PTPRA: variants seen among roughly 807,000 people sequenced by gnomAD.
The protein encoded by PTPRA is protein tyrosine phosphatase receptor type A.
Under a neutral mutation model 104.8 loss-of-function variants are expected in PTPRA, and 25 were observed. The observed-to-expected ratio is 0.24, with a 90% CI of 0.17 to 0.33. PTPRA has a LOEUF of 0.33. Ranked by LOEUF, PTPRA falls within the 10% of genes least tolerant of loss-of-function variation. The probability of loss-of-function intolerance (pLI) is 1.00; values close to 1 mark genes in which losing one functional copy is unlikely to be tolerated. For missense variants in PTPRA, 765 were observed against 1,015.3 expected, an observed-to-expected ratio of 0.75 and a Z score of 3.35; for synonymous variants, 323 against 368.9, an observed-to-expected ratio of 0.88 and a Z score of 1.43.
chr20:2,927,674 T>G (rs2060351844), intron 2 of PTPRA, among the ~76,000 whole-genome samples: 1 of 152,220 alleles, frequency 6.6e-6, no homozygotes, highest in Non-Finnish European at 1.5e-5. Flanking sequence ...TTGGGTCCAC[T>G]GATCTTGGAT....
At chr20:3,031,334 G>A (rs574887975) in intron 20 of PTPRA, among the ~76,000 whole-genome samples, 20 of 151,686 alleles carry the variant, frequency 1.3e-4, no homozygotes, top group Admixed American at 7.3e-4. Flanking sequence ...TCTAGAGGCC[G>A]TAACGTGAAC....
intron 5 of PTPRA, among the ~76,000 whole-genome samples, chr20:2,971,198 G>C (rs150419129): frequency 1.0e-3 from 157 of 152,018 alleles, no homozygotes; most frequent in Middle Eastern, 3.4e-3. Flanking sequence ...TTGTCTAGCA[G>C]GAAAAAAAGT....
At chr20:2,934,416 C>G (rs2060616576) in intron 2 of PTPRA, among the ~76,000 whole-genome samples, 1 of 152,012 alleles carries the variant, frequency 6.6e-6, no homozygotes, top group Non-Finnish European at 1.5e-5. Flanking sequence ...ATCATATTCC[C>G]AATACTTATG....
In PTPRA at chr20:3,037,318, A is replaced by G. The variant is rs540828183; in HGVS notation, c.2334+29A>G. The G allele has an allele frequency of 1.9e-6, 3 of 1,611,390 alleles. No homozygotes were observed. Among genetic ancestry groups the G allele is most frequent in the East Asian group, 4.5e-5 (2 of 44,864 alleles). ...TGCTGCCCACATATTTGTCCCTGCC[A>G]CCACACCACCTGCAGCCCTTCTCTC... On this transcript the variant is annotated intron_variant, in intron 23 of 23. Transcript: ENST00000399903. This position sits in a 1 kb window ranked among gnomAD's most constrained non-coding sequence, Gnocchi z 4.3.
intron 3 of PTPRA, 64 bp from the exon 4 acceptor site, chr20:2,964,208 T>C (rs569178224): frequency 7.5e-7 from 1 of 1,330,202 alleles, no homozygotes; most frequent in East Asian, 2.3e-5. Flanking sequence ...ACTCTTCTGG[T>C]GACCAGCTCA....
At chr20:3,021,952 C>A in intron 14 of PTPRA, 102 bp from the exon 15 acceptor site, 1 of 1,439,428 alleles carries the variant, frequency 6.9e-7, no homozygotes, top group South Asian at 1.3e-5. Context: ...GGTACACTTA[C>A]TTTTCCATTG....
At chr20:2,920,783 G>A (rs1210532174) in intron 1 of PTPRA, among the ~76,000 whole-genome samples, 1 of 151,754 alleles carries the variant, frequency 6.6e-6, no homozygotes, top group Admixed American at 6.6e-5. Flanking sequence ...GAGGAAAGGG[G>A]GGAAAGTGAT....
rs796332279 is a variant in PTPRA, at chr20:2,965,847, A to T, written c.415+645A>T. Among the ~76,000 whole-genome samples the T allele has an allele frequency of 1.4e-4, 22 of 152,344 alleles. 1 individual carries two copies. The highest frequency in any genetic ancestry group is 5.3e-4 in the African/African-American group (22 of 41,574). ...AGAAAATCAGAGACGTGGATCTGAG[A>T]CCAGGGCAGGTAAGACAAGTTTCTG... is the stretch of plus-strand genomic sequence containing the variant. On this transcript the variant is annotated intron_variant, in intron 5 of 23. Transcript: ENST00000399903.
At chr20:2,882,626 T>A (rs1168435057) in intron 1 of PTPRA, among the ~76,000 whole-genome samples, 1 of 152,076 alleles carries the variant, frequency 6.6e-6, no homozygotes, top group Non-Finnish European at 1.5e-5. Context: ...AATAGTTACA[T>A]CCAAGAATAA....
chr20:2,889,431 C>T (rs1312750436), intron 1 of PTPRA, among the ~76,000 whole-genome samples: 1 of 152,146 alleles, frequency 6.6e-6, no homozygotes, highest in Non-Finnish European at 1.5e-5. Context: ...ACTTCTTAAG[C>T]TCTTGGGCAA....
Position 2,988,240 on chromosome 20 carries a change from T to C in PTPRA, c.602-98T>C. 2.0e-6 allele frequency: 3 copies of C among 1,538,006 alleles called. No individual in the cohort carries two copies. The African/African-American group carries it at 4.2e-5, about 21-fold the overall frequency. On this transcript the variant is annotated intron_variant, in intron 8 of 23. Transcript: ENST00000399903. ...TTTTTGAAGAAAACAGTCCTAGTTC[T>C]TACAGGCTTGGTCCATGAGGTAGAA...
At chr20:2,955,375 A>C (rs1191333660) in intron 3 of PTPRA, among the ~76,000 whole-genome samples, 1 of 152,238 alleles carries the variant, frequency 6.6e-6, no homozygotes, top group Non-Finnish European at 1.5e-5. Flanking sequence ...CAAGGTCCCC[A>C]ACTGAATCTT....
chr20:3,003,127 T>C (rs2063711628), intron 9 of PTPRA, among the ~76,000 whole-genome samples: 1 of 152,250 alleles, frequency 6.6e-6, no homozygotes, highest in Non-Finnish European at 1.5e-5. Context: ...TCATGGTATA[T>C]AATTATATAT....
At chr20:2,913,840 G>A (rs2059805796) in intron 1 of PTPRA, among the ~76,000 whole-genome samples, 1 of 152,124 alleles carries the variant, frequency 6.6e-6, no homozygotes, top group Non-Finnish European at 1.5e-5. Flanking sequence ...TTGAGACAAT[G>A]TAAGTATCCC....
At chr20:2,916,574 C>T (rs756643828) in intron 1 of PTPRA, among the ~76,000 whole-genome samples, 50 of 152,120 alleles carry the variant, frequency 3.3e-4, no homozygotes, top group Non-Finnish European at 1.2e-4. Flanking sequence ...TCATCACCAG[C>T]CAGCCATGGT....
intron 1 of PTPRA, among the ~76,000 whole-genome samples, chr20:2,901,268 C>CT (rs3838046): frequency 0.042 from 6,448 of 151,902 alleles, 305 homozygotes; most frequent in Admixed American, 0.11. Context: ...CGCACCCAGC[C>CT]TTTTTTTTTC....
chr20:2,935,247 G>A (rs2060648705), intron 2 of PTPRA, among the ~76,000 whole-genome samples: 1 of 152,010 alleles, frequency 6.6e-6, no homozygotes, highest in South Asian at 2.1e-4. Context: ...TGTGATATTT[G>A]TCTTTCTATG....
chr20:2,896,619 G>A (rs2059011574), intron 1 of PTPRA, among the ~76,000 whole-genome samples: 2 of 152,168 alleles, frequency 1.3e-5, no homozygotes, highest in African/African-American at 4.8e-5. Flanking sequence ...CCATAAATCA[G>A]GGTGTGTTTC....
chr20:2,873,587 G>GC lies in PTPRA; in HGVS notation c.-298dup, dbSNP rs2089494519. On this transcript the variant is annotated 5_prime_UTR_variant, in exon 1 of 24. Coordinates refer to ENST00000399903, the MANE Select transcript of PTPRA (RefSeq NM_001385305.1). The surrounding 1 kb of genome is among the most constrained non-coding windows in gnomAD (Gnocchi z 4.4). Reference sequence around the variant, plus strand: ...CGCCATCACTGTCGCCCGCCCAGTCGCCCCTCAGCCGCTTCCCCTCGCCAT... The same window carrying GC: ...CGCCATCACTGTCGCCCGCCCAGTCGCCCCCTCAGCCGCTTCCCCTCGCCAT... The GC allele has an allele frequency of 1.3e-5, 2 of 151,234 alleles. No individual in the cohort carries two copies. The highest frequency in any genetic ancestry group is 1.3e-4 in the Admixed American group (2 of 15,178). The allele number at this position is 151,234 out of a possible 1,614,324, so 9.4% of individuals were successfully genotyped here. A position where few individuals can be genotyped will look rare whatever the true frequency, so the allele number is the denominator to read the frequency against.
Sources: gnomAD v4.1 joint callset for allele counts (sites outside exome capture counted in the v4.1 genomes callset) on GRCh38, gnomAD v4.1.1 for gene constraint, Gnocchi (gnomAD v3.1) non-coding constraint, MANE v1.5 for transcripts, NCBI Gene and HGNC (gene_info 2026-07-23, HGNC 2026-07-21) for gene names.